PRKCE: variants seen among roughly 807,000 people sequenced by gnomAD.
PRKCE encodes the protein protein kinase C epsilon type.
In PRKCE, 16 loss-of-function variants were observed where a neutral mutation model predicts 85.4. The ratio of observed to expected loss-of-function variants is 0.19; its 90% CI spans 0.13 to 0.28. The LOEUF (loss-of-function observed/expected upper bound fraction) is 0.28. Ranked by LOEUF, PRKCE falls within the 10% of genes least tolerant of loss-of-function variation. The pLI is 1.00. For synonymous variants in PRKCE, 388 were observed against 371.5 expected, an observed-to-expected ratio of 1.04 and a Z score of -0.51; for missense variants, 573 against 975.2, an observed-to-expected ratio of 0.59 and a Z score of 5.49.
At chr2:45,975,040 G>T (rs1702352718) in intron 2 of PRKCE, among the ~76,000 whole-genome samples, 1 of 152,168 alleles carries the variant, frequency 6.6e-6, no homozygotes, top group Non-Finnish European at 1.5e-5. Flanking sequence ...GCAGCGTGTG[G>T]GTGGAGGAAC....
intron 1 of PRKCE, among the ~76,000 whole-genome samples, chr2:45,716,115 G>A (rs1680063617): frequency 6.6e-6 from 1 of 152,140 alleles, no homozygotes; most frequent in South Asian, 2.1e-4. Flanking sequence ...ACCTTCAATT[G>A]AATAGGGGCC....
intron 1 of PRKCE, among the ~76,000 whole-genome samples, chr2:45,678,759 C>T (rs1224236256): frequency 1.3e-5 from 2 of 151,974 alleles, no homozygotes; most frequent in African/African-American, 4.8e-5. Context: ...AAATACATTA[C>T]ATTTTTCAAT....
intron 10 of PRKCE, chr2:46,010,926 T>G: frequency 7.0e-7 from 1 of 1,422,276 alleles, no homozygotes; most frequent in Non-Finnish European, 9.1e-7. Context: ...TCTTCTAATC[T>G]GTGTAATGTC....
chr2:45,843,982 T>C (rs1386623378), intron 2 of PRKCE, among the ~76,000 whole-genome samples: 2 of 152,130 alleles, frequency 1.3e-5, no homozygotes, highest in Middle Eastern at 3.2e-3. Flanking sequence ...CTCTCTCAGC[T>C]CTCCTGCCTG....
intron 6 of PRKCE, among the ~76,000 whole-genome samples, chr2:45,991,588 C>T (rs1703802670): frequency 6.6e-6 from 1 of 152,250 alleles, no homozygotes; most frequent in Non-Finnish European, 1.5e-5. Flanking sequence ...AAATGTTGCC[C>T]TCTTGATGGA....
At chr2:45,870,430 C>A (rs950939056) in intron 2 of PRKCE, among the ~76,000 whole-genome samples, 1 of 152,168 alleles carries the variant, frequency 6.6e-6, no homozygotes, top group Non-Finnish European at 1.5e-5. Context: ...GGGGGGAGAA[C>A]CTCTTTATAC....
At chr2:46,021,787 A>T (rs1574255724) in intron 10 of PRKCE, among the ~76,000 whole-genome samples, 1 of 151,966 alleles carries the variant, frequency 6.6e-6, no homozygotes, top group East Asian at 1.9e-4. Context: ...AGATTCTCTC[A>T]CCTCTCCCCA....
intron 11 of PRKCE, among the ~76,000 whole-genome samples, chr2:46,113,974 T>C (rs1019311121): frequency 6.6e-6 from 1 of 152,216 alleles, no homozygotes; most frequent in Non-Finnish European, 1.5e-5. Flanking sequence ...CTTCCTTTGT[T>C]TCATTATTTT....
chr2:45,715,939 C>G (rs911996547), intron 1 of PRKCE, among the ~76,000 whole-genome samples: 1 of 152,170 alleles, frequency 6.6e-6, no homozygotes, highest in Non-Finnish European at 1.5e-5. Flanking sequence ...CCTGAACTCT[C>G]CCTCCTGGAT....
chr2:45,893,385 C>T (rs1695887098), intron 2 of PRKCE, among the ~76,000 whole-genome samples: 2 of 149,814 alleles, frequency 1.3e-5, no homozygotes, highest in Non-Finnish European at 3.0e-5. Flanking sequence ...GAGGTCTCAC[C>T]CTCTTGACCT....
At chr2:45,665,787 G>C (rs1675883127) in intron 1 of PRKCE, among the ~76,000 whole-genome samples, 1 of 152,076 alleles carries the variant, frequency 6.6e-6, no homozygotes, top group Non-Finnish European at 1.5e-5. Context: ...TTCAAATTTA[G>C]CTTGGCCTTC....
At chr2:46,028,714 A>G (rs1409424113) in intron 10 of PRKCE, among the ~76,000 whole-genome samples, 1 of 152,216 alleles carries the variant, frequency 6.6e-6, no homozygotes, top group Non-Finnish European at 1.5e-5. Flanking sequence ...GGTTTGTTAC[A>G]TAGGTAAACT....
At chr2:45,686,874 A>T (rs371651323) in intron 1 of PRKCE, among the ~76,000 whole-genome samples, 13 of 152,168 alleles carry the variant, frequency 8.5e-5, no homozygotes, top group Admixed American at 2.0e-4. Context: ...TCAGTGAAGA[A>T]TGGTAGATTA....
At position 45,786,058 on chromosome 2, in the gene PRKCE, G is replaced by C. The variant is rs765225419; in HGVS notation, c.349-56942G>C. ...TCTCACAGCCCTGCTGGGTCATCGT[G>C]GGGGTGAATAGATACCTGCTTCTCT... On this transcript the variant is annotated intron_variant, in intron 1 of 14. Transcript: ENST00000306156. This position sits in a 1 kb window ranked among gnomAD's most constrained non-coding sequence, Gnocchi z 5.3. Among the ~76,000 whole-genome samples, 4 of 152,102 alleles carry C rather than the reference G, an allele frequency of 2.6e-5. No homozygotes were observed. The highest frequency in any genetic ancestry group is 4.4e-5 in the Non-Finnish European group (3 of 68,020).
Position 46,001,161 on chromosome 2 carries a change from G to T in PRKCE, c.824-243G>T, listed in dbSNP as rs4952796. 0.32 allele frequency among the ~76,000 whole-genome samples: 48,812 copies of T among 151,662 alleles called. 8,308 individuals are homozygous for T. The highest frequency in any genetic ancestry group is 0.42 in the African/African-American group (17,351 of 41,308). ...TTACTTATCTATATTTAGGGTATAC[G>T]TAGAAAGGATGGCTGGAATGAAGTA... On this transcript the variant is annotated intron_variant, in intron 6 of 14. Coordinates refer to ENST00000306156, the MANE Select transcript of PRKCE (RefSeq NM_005400.3). The surrounding 1 kb of genome is among the most constrained non-coding windows in gnomAD (Gnocchi z 4.4).
chr2:45,871,956 A>T (rs1343608532), intron 2 of PRKCE, among the ~76,000 whole-genome samples: 1 of 152,194 alleles, frequency 6.6e-6, no homozygotes, highest in African/African-American at 2.4e-5. Flanking sequence ...AAGTATACTG[A>T]GGACGGAGTT....
intron 2 of PRKCE, among the ~76,000 whole-genome samples, chr2:45,867,028 C>T (rs1363366995): frequency 6.6e-6 from 1 of 152,132 alleles, no homozygotes; most frequent in Non-Finnish European, 1.5e-5. Context: ...AATCAGAATC[C>T]TTAGGGGTGG....
chr2:45,721,881 A>G (rs907027361), intron 1 of PRKCE, among the ~76,000 whole-genome samples: 1 of 150,232 alleles, frequency 6.7e-6, no homozygotes, highest in African/African-American at 2.4e-5. Context: ...TGACTCTTAA[A>G]AAAAAAAAAA....
At chr2:45,739,850 T>A (rs187764015) in intron 1 of PRKCE, among the ~76,000 whole-genome samples, 1 of 152,338 alleles carries the variant, frequency 6.6e-6, no homozygotes, top group East Asian at 1.9e-4. Flanking sequence ...ATGTAAATTA[T>A]ACTTGAATAA....
Sources: gnomAD v4.1 joint callset for allele counts (sites outside exome capture counted in the v4.1 genomes callset) on GRCh38, gnomAD v4.1.1 for gene constraint, Gnocchi (gnomAD v3.1) non-coding constraint, MANE v1.5 for transcripts, NCBI Gene and HGNC (gene_info 2026-07-23, HGNC 2026-07-21) for gene names.